ECI2: variants seen among roughly 807,000 people sequenced by gnomAD.
The protein encoded by ECI2 is enoyl-CoA delta isomerase 2.
ECI2 carries 27 observed loss-of-function variants against 38.4 expected under a neutral mutation model. The ratio of observed to expected loss-of-function variants is 0.70; its 90% CI spans 0.52 to 0.97. The LOEUF (loss-of-function observed/expected upper bound fraction) is 0.97, where lower values mean the gene tolerates loss of function less well. Ranked by LOEUF, ECI2 falls within the 50% of genes least tolerant of loss-of-function variation. The probability of loss-of-function intolerance (pLI) is 0.00; values close to 1 mark genes in which losing one functional copy is unlikely to be tolerated. For missense variants in ECI2, 470 were observed against 474.4 expected (o/e 0.99, Z 0.09); for synonymous variants, 168 against 172.0 (o/e 0.98, Z 0.18).
chr6:4,124,965 C>T (rs569857139), intron 7 of ECI2: 61 of 523,168 alleles, frequency 1.2e-4, no homozygotes, highest in South Asian at 7.5e-4. Flanking sequence ...TCAAGTGTCT[C>T]CTGAATCTTT....
chr6:4,130,251 T>G, intron 4 of ECI2, 121 bp downstream of exon 4: 1 of 1,613,494 alleles, frequency 6.2e-7, no homozygotes, highest in Non-Finnish European at 8.5e-7. Context: ...CCAACCTTCC[T>G]GCACAAATCA....
rs1012736214 is a variant in ECI2 at position 4,133,309 on chromosome 6, T to C, written c.213+240A>G. ...GCTAAGTAAGGTCTACAAATGTGAA[T>C]ATTATATCTCGTAAGTCTCTTTTAC... is the stretch of plus-strand genomic sequence containing the variant. On this transcript the variant is annotated intron_variant, in intron 2 of 9. Transcript: ENST00000380118. Among the ~76,000 whole-genome samples the C allele has an allele frequency of 1.5e-4, 23 of 152,256 alleles. 1 individual carries two copies. The highest frequency in any genetic ancestry group is 1.2e-3 in the Admixed American group (19 of 15,290).
At chr6:4,129,432 G>A (rs955240799) in intron 4 of ECI2, among the ~76,000 whole-genome samples, 2 of 152,004 alleles carry the variant, frequency 1.3e-5, no homozygotes, top group African/African-American at 4.8e-5. Flanking sequence ...TTCAATTTAG[G>A]TTTTGCTGCT....
chr6:4,127,741 AT>A lies in ECI2; in HGVS notation c.571+20del, dbSNP rs762006421. Reference sequence around the variant, plus strand: ...CCCTCAAAATAGAAATTTAATTAGGATGCCTGAGAAAATGTCTTACCTGTTA... The same window carrying A: ...CCCTCAAAATAGAAATTTAATTAGGAGCCTGAGAAAATGTCTTACCTGTTA... On this transcript the variant is annotated intron_variant, in intron 5 of 9. Transcript: ENST00000380118. 6.6e-5 allele frequency: 106 copies of A among 1,604,782 alleles called. No homozygotes were observed. The highest frequency in any genetic ancestry group is 8.8e-5 in the Non-Finnish European group (104 of 1,176,550).
chr6:4,124,959 G>A (rs1304207645), intron 7 of ECI2: 1 of 506,130 alleles, frequency 2.0e-6, no homozygotes, highest in African/African-American at 1.9e-5. Context: ...AAATTTTCAA[G>A]TGTCTCCTGA....
chr6:4,125,270 C>T lies in ECI2; in HGVS notation c.775G>A (p.Ala259Thr), dbSNP rs1773069957. ...ISVTLLGLFD[A>T]VYASDRATFH... ...CTTACCCTGTCAGATGCATACACGGCATCGAATAGCCCAAGGAGGGTGACG... is the reference window on the plus strand; with the variant it reads ...CTTACCCTGTCAGATGCATACACGGTATCGAATAGCCCAAGGAGGGTGACG... Residue 259 changes from alanine (A) to threonine (T), a missense_variant, in exon 7 of 10, where the codon GCC becomes ACC. By Grantham distance (58) the Ala-to-Thr change is moderately conservative. Transcript: ENST00000380118. 6.2e-7 allele frequency: 1 copy of T among 1,614,124 alleles called. No individual in the cohort carries two copies.
chr6:4,130,061 CA>C (rs2114003769), intron 4 of ECI2: 1 of 1,570,858 alleles, frequency 6.4e-7, no homozygotes, highest in Admixed American at 1.7e-5. Flanking sequence ...CAGTCTACAC[CA>C]ACCTTAGATG....
chr6:4,126,125 T>G lies in ECI2; in HGVS notation c.674+10A>C. 1 of 1,608,324 alleles carries G rather than the reference T, an allele frequency of 6.2e-7. No homozygotes were observed. Among genetic ancestry groups the G allele is most frequent in the Non-Finnish European group, 8.5e-7 (1 of 1,175,862 alleles). ...CCCTCTGGGATCAGACAAAGGTCAGTAACTCTTACCTCAGTAAAACGGCAT... is the reference window on the plus strand; with the variant it reads ...CCCTCTGGGATCAGACAAAGGTCAGGAACTCTTACCTCAGTAAAACGGCAT... On this transcript the variant is annotated intron_variant, in intron 6 of 9. Transcript: ENST00000380118.
chr6:4,131,147 G>A (rs1773488659), intron 2 of ECI2, among the ~76,000 whole-genome samples: 8 of 152,178 alleles, frequency 5.3e-5, no homozygotes, highest in Admixed American at 5.2e-4. Flanking sequence ...TGGTTCATTA[G>A]TTTTATATTG....
intron 4 of ECI2, among the ~76,000 whole-genome samples, chr6:4,128,482 G>A (rs1773319533): frequency 6.6e-6 from 1 of 152,160 alleles, no homozygotes; most frequent in Non-Finnish European, 1.5e-5. Context: ...CCTTAGATGA[G>A]ATTTCAGTGT....
At chr6:4,125,950 A>C in intron 6 of ECI2, 185 bp downstream of exon 6, 1 of 684,538 alleles carries the variant, frequency 1.5e-6, no homozygotes, top group East Asian at 2.8e-5. Context: ...CAGGTAACAG[A>C]GGTCAAAGAG....
intron 7 of ECI2, among the ~76,000 whole-genome samples, chr6:4,121,653 A>G (rs1313859127): frequency 2.7e-5 from 4 of 148,986 alleles, no homozygotes; most frequent in Non-Finnish European, 4.5e-5. Flanking sequence ...AACTACTGGA[A>G]TTAATTCAAT....
At chr6:4,133,332 T>C (rs1219115291) in intron 2 of ECI2, among the ~76,000 whole-genome samples, 4 of 152,158 alleles carry the variant, frequency 2.6e-5, no homozygotes, top group Non-Finnish European at 5.9e-5. Flanking sequence ...AAGTCTCTTT[T>C]ACTCGTGTGA....
chr6:4,129,276 C>G (rs1386137268), intron 4 of ECI2, among the ~76,000 whole-genome samples: 2 of 152,096 alleles, frequency 1.3e-5, no homozygotes, highest in Admixed American at 1.3e-4. Context: ...CCATGCCCAG[C>G]TAATTTTTTG....
intron 6 of ECI2, 43 bp from the exon 7 acceptor site, chr6:4,125,413 G>A (rs1161331733): frequency 5.6e-6 from 9 of 1,611,508 alleles, no homozygotes. Flanking sequence ...TGCCAAAGCA[G>A]CATGACTAAA....
intron 7 of ECI2, among the ~76,000 whole-genome samples, chr6:4,122,831 G>A (rs892040620): frequency 2.6e-5 from 4 of 152,174 alleles, no homozygotes; most frequent in African/African-American, 9.7e-5. Context: ...TGTACATTAC[G>A]TGAATATGTG....
chr6:4,131,056 C>T, intron 2 of ECI2, 191 bp from the exon 3 acceptor site: 1 of 494,886 alleles, frequency 2.0e-6, no homozygotes, highest in Non-Finnish European at 3.5e-6. Flanking sequence ...AGAAAAAAGA[C>T]TGGAAATAAA....
chr6:4,120,771 C>T (rs1371044881), intron 7 of ECI2, among the ~76,000 whole-genome samples: 6 of 151,826 alleles, frequency 4.0e-5, no homozygotes, highest in Admixed American at 1.3e-4. Context: ...AGGAGACCAG[C>T]GTTTTACATG....
Position 4,128,072 on chromosome 6 carries a change from C to CT in ECI2, c.502-242dup, listed in dbSNP as rs1417125301. ...GGCAGGAGCTGCAGGCTATAAACCA[C>CT]TTTTTTTCCAAAAGGGACCAAGAAA... On this transcript the variant is annotated intron_variant, in intron 4 of 9. Transcript: ENST00000380118. 6.6e-5 allele frequency among the ~76,000 whole-genome samples: 10 copies of CT among 152,254 alleles called. No individual in the cohort carries two copies. In the East Asian group the frequency reaches 1.9e-3, roughly 29 times the overall value.
Sources: allele counts gnomAD v4.1 joint callset (sites outside exome capture counted in the v4.1 genomes callset), GRCh38; gene constraint gnomAD v4.1.1; transcripts MANE v1.5; gene names NCBI Gene and HGNC (gene_info 2026-07-23, HGNC 2026-07-21).